Variants in TDRD3 observed in about 807,000 individuals in gnomAD.
TDRD3 encodes tudor domain containing 3.
Under a neutral mutation model 86.7 loss-of-function variants are expected in TDRD3, and 45 were observed. That is an observed-to-expected ratio of 0.52 (90% confidence interval 0.41 to 0.67). The LOEUF is 0.67. Among genes scored for constraint, TDRD3 ranks in the 30% least tolerant of loss-of-function variants. The pLI, the probability that TDRD3 is intolerant of heterozygous loss-of-function variation, is 0.00. For missense variants in TDRD3, 814 were observed against 889.0 expected, an observed-to-expected ratio of 0.92 and a Z score of 1.07; for synonymous variants, 298 against 301.7, an observed-to-expected ratio of 0.99 and a Z score of 0.13.
intron 10 of TDRD3, among the ~76,000 whole-genome samples, chr13:60,522,084 A>G (rs1957300470): frequency 6.6e-6 from 1 of 151,998 alleles, no homozygotes; most frequent in South Asian, 2.1e-4. Flanking sequence ...ATATAGAAAA[A>G]AATTAAAGGA....
At chr13:60,569,402 T>C (rs1041397322) in intron 13 of TDRD3, among the ~76,000 whole-genome samples, 1 of 151,922 alleles carries the variant, frequency 6.6e-6, no homozygotes, top group East Asian at 1.9e-4. Flanking sequence ...CTGTAAAACA[T>C]TGATAAAAGA....
chr13:60,456,526 C>CT (rs1335896849), intron 3 of TDRD3, among the ~76,000 whole-genome samples: 2 of 152,076 alleles, frequency 1.3e-5, no homozygotes, highest in African/African-American at 4.8e-5. Flanking sequence ...TTTCTTATTA[C>CT]TAATACAAAA....
intron 5 of TDRD3, among the ~76,000 whole-genome samples, chr13:60,474,422 T>C (rs186116820): frequency 2.0e-3 from 300 of 152,296 alleles, no homozygotes; most frequent in Admixed American, 3.7e-3. Context: ...GTTGTGTCTT[T>C]ATTTCTACAT....
At chr13:60,485,738 A>G (rs982807840) in intron 6 of TDRD3, 61 bp from the exon 7 acceptor site, 2 of 1,348,730 alleles carry the variant, frequency 1.5e-6, no homozygotes, top group African/African-American at 1.5e-5. Flanking sequence ...ATTACTTTCT[A>G]ACGAAAACTT....
rs1395404701 is a variant in TDRD3 at position 60,397,255 on chromosome 13, GTTTT to G, written c.-107_-104del. 3.1e-6 allele frequency: 2 copies of G among 639,848 alleles called. No homozygotes were observed. The highest frequency in any genetic ancestry group is 4.7e-6 in the Non-Finnish European group (2 of 423,876). 39.6% of individuals were successfully genotyped at this position (639,848 alleles called of 1,614,324 possible). A position where few individuals can be genotyped will look rare whatever the true frequency, so the allele number is the denominator to read the frequency against. On this transcript the variant is annotated 5_prime_UTR_variant, in exon 1 of 14. An upstream open reading frame in the 5' UTR gains an earlier in-frame stop. Transcript: ENST00000377881. ...CCCAGTTGCAGAGCCGACCAGAGGAGTTTTTTCTTTTCTTTTCTTTTTTTTTTTT... is the reference window on the plus strand; with the variant it reads ...CCCAGTTGCAGAGCCGACCAGAGGAGTTCTTTTCTTTTCTTTTTTTTTTTT...
chr13:60,551,051 G>C (rs1380526130), intron 12 of TDRD3, among the ~76,000 whole-genome samples: 1 of 152,102 alleles, frequency 6.6e-6, no homozygotes, highest in East Asian at 1.9e-4. Flanking sequence ...TATCTACTTT[G>C]TTTTACTAAT....
At chr13:60,450,214 GACAA>G (rs1225464993) in intron 3 of TDRD3, among the ~76,000 whole-genome samples, 1 of 152,196 alleles carries the variant, frequency 6.6e-6, no homozygotes, top group East Asian at 1.9e-4. Flanking sequence ...TCAGCTGTCA[GACAA>G]ACTGCTATTT....
upstream of TDRD3, among the ~76,000 whole-genome samples, chr13:60,396,227 G>C (rs7987793): frequency 3.3e-5 from 5 of 152,198 alleles, no homozygotes; most frequent in African/African-American, 1.2e-4. Flanking sequence ...TTCTTCCCCT[G>C]ACCTGGCAGA....
chr13:60,514,684 T>G (rs1302841323), intron 10 of TDRD3, among the ~76,000 whole-genome samples: 1 of 152,026 alleles, frequency 6.6e-6, no homozygotes, highest in Non-Finnish European at 1.5e-5. Context: ...ATGGTAGAGG[T>G]AGTGCTGTGA....
At chr13:60,547,352 CA>C in intron 12 of TDRD3, 2 of 985,288 alleles carry the variant, frequency 2.0e-6, no homozygotes, top group Non-Finnish European at 2.4e-6. Flanking sequence ...GGGGAGTGGG[CA>C]AGGCTGGTCT....
chr13:60,457,456 G>A (rs888964481), intron 3 of TDRD3, among the ~76,000 whole-genome samples: 1 of 152,232 alleles, frequency 6.6e-6, no homozygotes, highest in African/African-American at 2.4e-5. Flanking sequence ...CTCACTCGTA[G>A]AAGTGCCAAT....
chr13:60,469,317 A>T (rs1232338934), intron 5 of TDRD3, among the ~76,000 whole-genome samples: 4 of 151,922 alleles, frequency 2.6e-5, no homozygotes, highest in Non-Finnish European at 4.4e-5. Flanking sequence ...GTGTGGTAAA[A>T]AGTTCTCAAC....
intron 12 of TDRD3, among the ~76,000 whole-genome samples, chr13:60,551,323 A>G (rs1958048420): frequency 6.6e-6 from 1 of 152,220 alleles, no homozygotes; most frequent in East Asian, 1.9e-4. Flanking sequence ...GAGGAACATA[A>G]TAATTATTCA....
intron 12 of TDRD3, among the ~76,000 whole-genome samples, chr13:60,558,693 TTTGA>T (rs1337831792): frequency 6.6e-6 from 1 of 152,146 alleles, no homozygotes. Flanking sequence ...GTCTGTAACT[TTTGA>T]TTGATCATTT....
At chr13:60,564,600 C>T (rs998883645) in intron 12 of TDRD3, among the ~76,000 whole-genome samples, 10 of 152,186 alleles carry the variant, frequency 6.6e-5, no homozygotes, top group Admixed American at 2.0e-4. Context: ...ATCACTTCAC[C>T]TCTCTTGGTT....
chr13:60,542,415 G>T (rs1055770282), intron 12 of TDRD3, among the ~76,000 whole-genome samples: 55 of 152,128 alleles, frequency 3.6e-4, no homozygotes, highest in African/African-American at 1.2e-3. Flanking sequence ...TAAAAATTTT[G>T]TACAAATTGA....
intron 1 of TDRD3, among the ~76,000 whole-genome samples, chr13:60,421,463 G>A (rs1954657212): frequency 1.3e-5 from 2 of 152,150 alleles, no homozygotes; most frequent in Admixed American, 6.5e-5. Context: ...GCTACAATTC[G>A]AGATGAGATT....
chr13:60,459,647 G>C (rs746832363), intron 3 of TDRD3, among the ~76,000 whole-genome samples: 6 of 152,160 alleles, frequency 3.9e-5, no homozygotes, highest in Admixed American at 6.5e-5. Flanking sequence ...TTGAGACGGA[G>C]TCTCGCTCTG....
intron 12 of TDRD3, among the ~76,000 whole-genome samples, chr13:60,555,852 C>T (rs56287550): frequency 0.44 from 62,024 of 139,936 alleles, 13,871 homozygotes; most frequent in South Asian, 0.55. Flanking sequence ...CTATTTCTTT[C>T]TTTTTTTTTT....
Sources: gnomAD v4.1 joint callset for allele counts (sites outside exome capture counted in the v4.1 genomes callset) on GRCh38, gnomAD v4.1.1 for gene constraint, MANE v1.5 for transcripts, NCBI Gene and HGNC (gene_info 2026-07-23, HGNC 2026-07-21) for gene names.